The following C6orf89 variants were observed in gnomAD, a reference collection of about 807,000 sequenced individuals.
The protein encoded by C6orf89 is bombesin receptor-activated protein C6orf89.
Under a neutral mutation model 40.7 loss-of-function variants are expected in C6orf89, and 29 were observed. The ratio of observed to expected loss-of-function variants is 0.71; its 90% CI spans 0.53 to 0.97. The LOEUF (loss-of-function observed/expected upper bound fraction) is 0.97. Among genes scored for constraint, C6orf89 ranks in the 50% least tolerant of loss-of-function variants. The pLI, the probability that C6orf89 is intolerant of heterozygous loss-of-function variation, is 0.00. For synonymous variants in C6orf89, 165 were observed against 152.2 expected (o/e 1.08, Z -0.62); for missense variants, 392 against 429.1 (o/e 0.91, Z 0.76).
chr6:36,922,047 A>T (rs58376164), intron 8 of C6orf89, among the ~76,000 whole-genome samples: 3,358 of 152,182 alleles, frequency 0.022, 101 homozygotes, highest in African/African-American at 0.075. Context: ...TGAATTAAAA[A>T]TTTTTAAAGC....
chr6:36,879,050 C>A, exon 2 of C6orf89: 1 of 152,944 alleles, frequency 6.5e-6, no homozygotes, highest in South Asian at 2.0e-4. Context: ...TCTAGCGACC[C>A]CCAGGAGCAC....
chr6:36,915,389 G>C (rs927535648), intron 6 of C6orf89, among the ~76,000 whole-genome samples: 1 of 152,158 alleles, frequency 6.6e-6, no homozygotes, highest in Non-Finnish European at 1.5e-5. Context: ...TCTCACTGGG[G>C]ACACTGATAA....
intron 4 of C6orf89, among the ~76,000 whole-genome samples, chr6:36,903,001 A>T (rs1761779993): frequency 6.6e-6 from 1 of 152,238 alleles, no homozygotes; most frequent in Non-Finnish European, 1.5e-5. Flanking sequence ...ATTTAGTAAC[A>T]GTGCATCGGT....
chr6:36,925,208 A>G lies in C6orf89; in HGVS notation c.*1767A>G, dbSNP rs1762640866. 1 of 152,224 alleles carries G rather than the reference A, an allele frequency of 6.6e-6. No individual in the cohort carries two copies. The highest frequency in any genetic ancestry group is 6.5e-5 in the Admixed American group (1 of 15,278). The allele number at this position is 152,224 out of a possible 1,614,324, so 9.4% of individuals were successfully genotyped here. A position where few individuals can be genotyped will look rare whatever the true frequency, so the allele number is the denominator to read the frequency against. ...GGAGGCCGGCTTTGTGCAAGCTTTT[A>G]CAGCCTTCTGCAGTGTCCTTACCCT... is the stretch of plus-strand genomic sequence containing the variant. On this transcript the variant is annotated 3_prime_UTR_variant, in exon 9 of 9. Transcript: ENST00000480824.
rs185709386 is a variant in C6orf89 at position 36,909,111 on chromosome 6, T to G, written c.404-5173T>G. On this transcript the variant is annotated intron_variant, in intron 4 of 8. Transcript: ENST00000480824. ...ACATAATTAAACCCTCTCTATATAT[T>G]TTTGAGGATTTTATATTAGTTGATT... is the stretch of plus-strand genomic sequence containing the variant. Among the ~76,000 whole-genome samples the G allele has an allele frequency of 4.7e-4, 71 of 152,134 alleles. 1 individual carries two copies. The East Asian group carries it at 0.013, about 27-fold the overall frequency.
chr6:36,910,285 C>T (rs921478528), intron 4 of C6orf89, among the ~76,000 whole-genome samples: 4 of 152,050 alleles, frequency 2.6e-5, no homozygotes, highest in African/African-American at 7.2e-5. Flanking sequence ...TTTATGTTAT[C>T]TATTTGTATC....
At chr6:36,919,514 AC>A in intron 7 of C6orf89, 63 bp from the exon 8 acceptor site, 1 of 1,556,096 alleles carries the variant, frequency 6.4e-7, no homozygotes, top group Non-Finnish European at 8.8e-7. Flanking sequence ...TATTTACTAA[AC>A]CCCCTGGTTT....
upstream of C6orf89, among the ~76,000 whole-genome samples, chr6:36,882,764 T>C (rs1774858103): frequency 7.2e-6 from 1 of 139,258 alleles, no homozygotes; most frequent in Admixed American, 7.8e-5. Flanking sequence ...GGAGTCTCGC[T>C]CTGTCGCCCA....
At chr6:36,874,541 T>C (rs531569699) in intron 1 of C6orf89, among the ~76,000 whole-genome samples, 6 of 152,304 alleles carry the variant, frequency 3.9e-5, no homozygotes, top group East Asian at 3.9e-4. Flanking sequence ...CCCGCGGAGC[T>C]TGGACGCGGG....
At chr6:36,898,278 CT>C (rs1210544625) in intron 2 of C6orf89, among the ~76,000 whole-genome samples, 2 of 127,454 alleles carry the variant, frequency 1.6e-5, no homozygotes, top group Non-Finnish European at 3.3e-5. Flanking sequence ...CTTTTCTTTT[CT>C]TTTCTTTTTT....
chr6:36,912,945 G>A (rs1027255904), intron 4 of C6orf89, among the ~76,000 whole-genome samples: 2 of 152,152 alleles, frequency 1.3e-5, no homozygotes, highest in African/African-American at 4.8e-5. Flanking sequence ...AATTGACTTC[G>A]TTTCAGCCAC....
chr6:36,884,478 C>CA, upstream of C6orf89, among the ~76,000 whole-genome samples: 1 of 152,238 alleles, frequency 6.6e-6, no homozygotes, highest in Middle Eastern at 3.4e-3. This position sits in a 1 kb window ranked among gnomAD's most constrained non-coding sequence, Gnocchi z 4.0. Context: ...TGTATTCTCT[C>CA]AAAGATTTTA....
intron 1 of C6orf89, among the ~76,000 whole-genome samples, chr6:36,877,278 G>A (rs1774685117): frequency 1.3e-5 from 2 of 152,166 alleles, no homozygotes; most frequent in South Asian, 4.1e-4. Flanking sequence ...CTGTGTCATA[G>A]GTAACATGTA....
Position 36,923,668 on chromosome 6 carries a change from T to G in C6orf89, c.*227T>G, listed in dbSNP as rs1432917521. On this transcript the variant is annotated 3_prime_UTR_variant, in exon 9 of 9. Transcript: ENST00000480824. ...GAAGGATTCAGCCTGGCCACTTGGC[T>G]AGGACTCTGCCAGCACCCATCTGAG... is the stretch of plus-strand genomic sequence containing the variant. 6 of 550,568 alleles carry G rather than the reference T, an allele frequency of 1.1e-5. No individual in the cohort carries two copies. In the African/African-American group the frequency reaches 1.1e-4, roughly 10 times the overall value. The allele number at this position is 550,568 out of a possible 1,614,324, so 34.1% of individuals were successfully genotyped here.
chr6:36,881,639 A>G (rs560896667), upstream of C6orf89, among the ~76,000 whole-genome samples: 1 of 152,346 alleles, frequency 6.6e-6, no homozygotes, highest in African/African-American at 2.4e-5. Flanking sequence ...ACACCATTGC[A>G]CTCCAGCTTG....
chr6:36,877,510 T>C (rs1488403972), intron 1 of C6orf89, among the ~76,000 whole-genome samples: 2 of 152,192 alleles, frequency 1.3e-5, no homozygotes. Context: ...TTTGTATTTT[T>C]AATAGAGACA....
upstream of C6orf89, among the ~76,000 whole-genome samples, chr6:36,881,607 G>A (rs542590660): frequency 5.9e-5 from 9 of 152,318 alleles, no homozygotes; most frequent in South Asian, 1.4e-3. Context: ...CTGGGAGGCC[G>A]AGGTTGCAGC....
chr6:36,873,211 T>C (rs1204805086), intron 1 of C6orf89, among the ~76,000 whole-genome samples: 2 of 152,228 alleles, frequency 1.3e-5, no homozygotes, highest in African/African-American at 4.8e-5. Context: ...ACCTCAGTAA[T>C]TTCAACTTCC....
intron 4 of C6orf89, among the ~76,000 whole-genome samples, chr6:36,907,411 T>C (rs1318188832): frequency 1.3e-5 from 2 of 152,190 alleles, no homozygotes; most frequent in Admixed American, 6.6e-5. Flanking sequence ...TGAGTTTTCT[T>C]GTAAATAACT....
Sources: gnomAD v4.1 joint callset for allele counts (sites outside exome capture counted in the v4.1 genomes callset) on GRCh38, gnomAD v4.1.1 for gene constraint, Gnocchi (gnomAD v3.1) non-coding constraint, MANE v1.5 for transcripts, NCBI Gene and HGNC (gene_info 2026-07-23, HGNC 2026-07-21) for gene names.